The following DAB1 variants were observed in gnomAD, a reference collection of about 807,000 sequenced individuals.
DAB1 encodes DAB adaptor protein 1, also known as disabled homolog 1.
Under a neutral mutation model 64.6 loss-of-function variants are expected in DAB1, and 15 were observed. The ratio of observed to expected loss-of-function variants is 0.23; its 90% CI spans 0.16 to 0.36. The LOEUF (loss-of-function observed/expected upper bound fraction) is 0.36, where lower values mean the gene tolerates loss of function less well. Ranked by LOEUF, DAB1 falls within the 10% of genes least tolerant of loss-of-function variation. The probability of loss-of-function intolerance (pLI) is 1.00; values close to 1 mark genes in which losing one functional copy is unlikely to be tolerated. For missense variants in DAB1, 596 were observed against 706.7 expected (o/e 0.84, Z 1.78); for synonymous variants, 235 against 251.9 (o/e 0.93, Z 0.64).
At chr1:57,636,974 T>A (rs1367218201) in intron 7 of DAB1, among the ~76,000 whole-genome samples, 2 of 152,134 alleles carry the variant, frequency 1.3e-5, no homozygotes, top group Non-Finnish European at 2.9e-5. Context: ...GTCATAAAAA[T>A]TAAAAAAGTT....
intron 5 of DAB1, among the ~76,000 whole-genome samples, chr1:58,018,244 TC>T (rs1646770191): frequency 6.6e-6 from 1 of 152,078 alleles, no homozygotes; most frequent in African/African-American, 2.4e-5. Flanking sequence ...ACTATCTCCT[TC>T]TTCCTACCTC....
intron 4 of DAB1, among the ~76,000 whole-genome samples, chr1:58,210,258 C>T (rs1658489136): frequency 6.6e-6 from 1 of 152,106 alleles, no homozygotes; most frequent in Non-Finnish European, 1.5e-5. Context: ...TGTTTTCCCA[C>T]TAGGGAGAGG....
chr1:57,467,978 A>C (rs1049137335), intron 7 of DAB1, among the ~76,000 whole-genome samples: 1 of 152,176 alleles, frequency 6.6e-6, no homozygotes. Context: ...CTGTGTTCTG[A>C]GTGCTTGGAA....
intron 7 of DAB1, chr1:57,606,024 C>A: frequency 1.5e-6 from 1 of 648,934 alleles, no homozygotes; most frequent in South Asian, 1.4e-5. Context: ...TAGTGATTCT[C>A]AGAATCTTGG....
chr1:58,016,448 G>A (rs1231380451), intron 5 of DAB1, among the ~76,000 whole-genome samples: 1 of 152,130 alleles, frequency 6.6e-6, no homozygotes, highest in Admixed American at 6.5e-5. Context: ...CCAAAACTGA[G>A]TCTGCATGAA....
intron 5 of DAB1, among the ~76,000 whole-genome samples, chr1:58,125,323 T>G (rs1323058623): frequency 6.6e-6 from 1 of 152,196 alleles, no homozygotes; most frequent in African/African-American, 2.4e-5. Flanking sequence ...CTTAGTTTAG[T>G]CCAATGTTTA....
intron 7 of DAB1, among the ~76,000 whole-genome samples, chr1:57,563,850 T>C (rs1010064920): frequency 2.0e-5 from 3 of 152,144 alleles, no homozygotes; most frequent in Non-Finnish European, 4.4e-5. Context: ...CTCTGTAGAC[T>C]CCATCTCTGG....
At chr1:57,079,124 A>G (rs529848838) in intron 4 of DAB1, among the ~76,000 whole-genome samples, 1 of 152,226 alleles carries the variant, frequency 6.6e-6, no homozygotes, top group Non-Finnish European at 1.5e-5. Flanking sequence ...AAAAATGTAC[A>G]CATATCCATA....
chr1:58,283,436 T>G (rs1316898655), intron 4 of DAB1, among the ~76,000 whole-genome samples: 2 of 152,124 alleles, frequency 1.3e-5, no homozygotes, highest in African/African-American at 4.8e-5. Context: ...CTTTCTACCC[T>G]GACCACCCTA....
intron 4 of DAB1, among the ~76,000 whole-genome samples, chr1:57,128,152 A>AAAAT (rs141430592): frequency 0.18 from 18,899 of 102,926 alleles, 1,625 homozygotes; most frequent in East Asian, 0.35. Flanking sequence ...TCAAAAAATA[A>AAAAT]AAATAAATAA....
chr1:58,433,592 A>AGT (rs1266210842), intron 3 of DAB1, among the ~76,000 whole-genome samples: 13,332 of 97,960 alleles, frequency 0.14, 460 homozygotes, highest in Non-Finnish European at 0.18. Flanking sequence ...AGAGAGAGAG[A>AGT]GAGAGTGTGT....
At chr1:57,521,703 G>A (rs1221602789) in intron 7 of DAB1, among the ~76,000 whole-genome samples, 4 of 152,192 alleles carry the variant, frequency 2.6e-5, no homozygotes, top group South Asian at 2.1e-4. Flanking sequence ...AACAGGGGAG[G>A]AGAGAGTGGC....
chr1:57,747,882 G>A (rs546662165), intron 6 of DAB1, among the ~76,000 whole-genome samples: 1 of 102,920 alleles, frequency 9.7e-6, no homozygotes, highest in East Asian at 3.0e-4. Flanking sequence ...AAATATCCAT[G>A]CTTAAAGGGA....
At chr1:57,137,166 G>A (rs1658198547) in intron 3 of DAB1, among the ~76,000 whole-genome samples, 1 of 152,062 alleles carries the variant, frequency 6.6e-6, no homozygotes, top group Non-Finnish European at 1.5e-5. Flanking sequence ...ATAATTAAAT[G>A]CCTATTGATT....
chr1:57,601,824 G>T (rs1024725903), intron 7 of DAB1, among the ~76,000 whole-genome samples: 96 of 151,112 alleles, frequency 6.4e-4, no homozygotes, highest in East Asian at 1.4e-3. Context: ...CACTATTTTT[G>T]TGTGTGTGTG....
intron 6 of DAB1, among the ~76,000 whole-genome samples, chr1:57,652,050 A>G (rs1379736149): frequency 1.3e-5 from 2 of 152,198 alleles, no homozygotes; most frequent in Non-Finnish European, 2.9e-5. Flanking sequence ...AGCTAATGAG[A>G]AACCAGAAGG....
intron 5 of DAB1, among the ~76,000 whole-genome samples, chr1:58,044,554 A>G (rs1399772769): frequency 6.6e-6 from 1 of 152,056 alleles, no homozygotes; most frequent in Non-Finnish European, 1.5e-5. Flanking sequence ...AAAGGAGAGG[A>G]GAAAGAACTA....
At chr1:57,019,517 C>T (rs1358881225) in intron 11 of DAB1, among the ~76,000 whole-genome samples, 1 of 152,174 alleles carries the variant, frequency 6.6e-6, no homozygotes, top group Non-Finnish European at 1.5e-5. Context: ...GTTTAGGAGC[C>T]TGCAGGTCCC....
At chr1:58,494,662 GA>G (rs1283860895) in intron 3 of DAB1, among the ~76,000 whole-genome samples, 1 of 151,984 alleles carries the variant, frequency 6.6e-6, no homozygotes, top group Admixed American at 6.6e-5. Context: ...AAAGACACAT[GA>G]AAAAATGCTC....
Sources: gnomAD v4.1 joint callset for allele counts (sites outside exome capture counted in the v4.1 genomes callset) on GRCh38, gnomAD v4.1.1 for gene constraint, MANE v1.5 for transcripts, NCBI Gene and HGNC (gene_info 2026-07-23, HGNC 2026-07-21) for gene names.